SLC9A6: variants seen among roughly 807,000 people sequenced by gnomAD.
SLC9A6 encodes solute carrier family 9 member A6, also known as sodium/hydrogen exchanger 6.
A neutral mutation model predicts 45.3 loss-of-function variants in SLC9A6; 6 were observed. The ratio of observed to expected loss-of-function variants is 0.13; its 90% confidence interval spans 0.07 to 0.26. The LOEUF (loss-of-function observed/expected upper bound fraction) is 0.26, where lower values mean the gene tolerates loss of function less well. Ranked by LOEUF, SLC9A6 falls within the 10% of genes least tolerant of loss-of-function variation. SLC9A6 has a pLI of 1.00. For missense variants in SLC9A6, 278 were observed against 503.7 expected (o/e 0.55, Z 4.29); for synonymous variants, 191 against 187.7 (o/e 1.02, Z -0.14).
At chrX:136,023,662 A>G (rs1210360173) in intron 12 of SLC9A6, among the ~76,000 whole-genome samples, 1 of 110,477 alleles carries the variant, frequency 9.1e-6, no homozygotes, top group Non-Finnish European at 1.9e-5. Flanking sequence ...AGGTTAGACT[A>G]AAAAAGGGTA....
chrX:135,994,970 T>A lies in SLC9A6; in HGVS notation c.354T>A (p.Asn118Lys). ...ATGAACTCAATAATGTTCAAGATAA[T>A]GAAATGCTTAGAAAGGTAAGTTCTT... ...SSHELNNVQDNEMLRKVTFDP... is the reference protein window; with the variant it reads ...SSHELNNVQDKEMLRKVTFDP... The change falls in exon 3 of 18, where the codon AAT (asparagine) becomes AAA (lysine). Residue 118 changes from asparagine (N) to lysine (K), a missense_variant. Transcript: ENST00000630721. 1.7e-6 allele frequency: 2 copies of A among 1,184,556 alleles called. No individual in the cohort carries two copies. Among genetic ancestry groups the A allele is most frequent in the Non-Finnish European group, 2.3e-6 (2 of 870,939 alleles).
chrX:136,011,003 T>C (rs1474259535), intron 8 of SLC9A6, among the ~76,000 whole-genome samples: 1 of 111,940 alleles, frequency 8.9e-6, no homozygotes, highest in Non-Finnish European at 1.9e-5. Context: ...TGTGTTTCCT[T>C]GGTTAGGATA....
At position 136,025,847 on chromosome X, in the gene SLC9A6, C is replaced by A. The variant is rs192723222; in HGVS notation, c.1460+1364C>A. ...GAAATTAATTTCATCAAATAATGGT[C>A]ATGGTACATTTTGAAAGGACACAGT... On this transcript the variant is annotated intron_variant, in intron 13 of 17. Transcript: ENST00000630721. Among the ~76,000 whole-genome samples, 7 of 111,810 alleles carry A rather than the reference C, an allele frequency of 6.3e-5. No individual in the cohort carries two copies. The East Asian group carries it at 1.7e-3, about 27-fold the overall frequency.
At chrX:135,987,380 A>T (rs2089356417) in intron 2 of SLC9A6, among the ~76,000 whole-genome samples, 1 of 112,040 alleles carries the variant, frequency 8.9e-6, no homozygotes, top group Non-Finnish European at 1.9e-5. Flanking sequence ...GAGGTATAAG[A>T]TCTTTGCCTT....
At chrX:136,035,923 T>TC (rs1556621765) in intron 16 of SLC9A6, among the ~76,000 whole-genome samples, 1 of 106,930 alleles carries the variant, frequency 9.4e-6, no homozygotes, top group Admixed American at 1.0e-4. Flanking sequence ...CCAGCTATTT[T>TC]TTTTTTTTTT....
At chrX:136,013,617 T>C (rs2070964743) in intron 10 of SLC9A6, among the ~76,000 whole-genome samples, 180 bp downstream of exon 10, 1 of 111,960 alleles carries the variant, frequency 8.9e-6, no homozygotes, top group Non-Finnish European at 1.9e-5. Flanking sequence ...TGACAGCATT[T>C]AGGGTGGAAA....
chrX:136,032,762 C>T (rs1476322856), intron 15 of SLC9A6, among the ~76,000 whole-genome samples: 5 of 112,480 alleles, frequency 4.4e-5, no homozygotes, highest in Non-Finnish European at 7.5e-5. Context: ...AGATCCATGA[C>T]GACTCCCAAA....
chrX:136,000,989 A>C (rs2148154399), intron 6 of SLC9A6, among the ~76,000 whole-genome samples: 1 of 110,625 alleles, frequency 9.0e-6, no homozygotes, highest in South Asian at 3.9e-4. Flanking sequence ...TGTCTCTTAA[A>C]AAAAATTAAA....
intron 6 of SLC9A6, among the ~76,000 whole-genome samples, chrX:136,001,179 C>CA (rs1238804069): frequency 3.7e-5 from 4 of 107,730 alleles, no homozygotes; most frequent in African/African-American, 1.0e-4. Flanking sequence ...ACTAAAAATA[C>CA]AAAAAAAATT....
At chrX:136,014,752 G>A (rs935496661) in intron 10 of SLC9A6, among the ~76,000 whole-genome samples, 11 of 112,890 alleles carry the variant, frequency 9.7e-5, no homozygotes, top group African/African-American at 3.5e-4. Context: ...ATGACAGAGC[G>A]AGACTCTGTC....
At chrX:136,028,593 A>T in intron 13 of SLC9A6, among the ~76,000 whole-genome samples, 1 of 112,620 alleles carries the variant, frequency 8.9e-6, no homozygotes, top group African/African-American at 3.2e-5. Context: ...GGAGATGCAT[A>T]AATGTGGTTA....
chrX:135,990,017 G>C (rs897059994), intron 2 of SLC9A6, among the ~76,000 whole-genome samples: 5 of 111,224 alleles, frequency 4.5e-5, no homozygotes, highest in African/African-American at 1.3e-4. Flanking sequence ...ACGGAGTCTC[G>C]CTCTGTCTCC....
intron 2 of SLC9A6, among the ~76,000 whole-genome samples, chrX:135,994,047 A>G (rs1556616117): frequency 9.0e-6 from 1 of 111,276 alleles, no homozygotes; most frequent in Non-Finnish European, 1.9e-5. Context: ...TTGGGAATAA[A>G]CTTGCGAAGT....
chrX:136,015,634 G>A (rs1035285204), intron 10 of SLC9A6, among the ~76,000 whole-genome samples: 6 of 111,972 alleles, frequency 5.4e-5, no homozygotes, highest in Admixed American at 9.5e-5. Flanking sequence ...ACTGAAAAAG[G>A]TATAGCTGTT....
At chrX:136,019,565 T>G (rs1447076386) in intron 11 of SLC9A6, among the ~76,000 whole-genome samples, 1 of 112,662 alleles carries the variant, frequency 8.9e-6, no homozygotes, top group Non-Finnish European at 1.9e-5. Context: ...CCCACATGTT[T>G]CGTGGTTACA....
intron 7 of SLC9A6, among the ~76,000 whole-genome samples, chrX:136,008,471 T>A (rs2070860767): frequency 9.0e-6 from 1 of 111,703 alleles, no homozygotes; most frequent in Admixed American, 9.5e-5. Context: ...GAACTCCCCA[T>A]CTCAGGTGAT....
At chrX:135,979,868 C>T (rs932235784) in intron 1 of SLC9A6, among the ~76,000 whole-genome samples, 1 of 111,059 alleles carries the variant, frequency 9.0e-6, no homozygotes, top group Non-Finnish European at 1.9e-5. Context: ...CAGGTCCAAG[C>T]GATTCTCCCA....
Position 136,017,554 on chromosome X carries a change from A to C in SLC9A6, c.1194+796A>C, listed in dbSNP as rs145954084. 4.8e-3 allele frequency among the ~76,000 whole-genome samples: 535 copies of C among 111,632 alleles called. 3 individuals are homozygous for C. The highest frequency in any genetic ancestry group is 0.015 in the African/African-American group (470 of 30,773). ...GCATGTAGAGAGAAATTTTGCCTTC[A>C]CTGGAAGGAGAGACAACTCCACCAT... On this transcript the variant is annotated intron_variant, in intron 11 of 17. Transcript: ENST00000630721.
At chrX:136,016,096 C>T (rs782021142) in intron 10 of SLC9A6, among the ~76,000 whole-genome samples, 1 of 111,378 alleles carries the variant, frequency 9.0e-6, no homozygotes, top group African/African-American at 3.3e-5. Flanking sequence ...AGGACGCTTA[C>T]TCCCTATACG....
Sources: gnomAD v4.1 joint callset for allele counts (sites outside exome capture counted in the v4.1 genomes callset) on GRCh38, gnomAD v4.1.1 for gene constraint, MANE v1.5 for transcripts, NCBI Gene and HGNC (gene_info 2026-07-23, HGNC 2026-07-21) for gene names.